LRP6: variants seen among roughly 807,000 people sequenced by gnomAD.
LRP6 encodes the protein low-density lipoprotein receptor-related protein 6.
In LRP6, 43 loss-of-function variants were observed where a neutral mutation model predicts 184.1. That is an observed-to-expected ratio of 0.23 (90% CI 0.18 to 0.30). The LOEUF is 0.30. Among genes scored for constraint, LRP6 ranks in the 10% least tolerant of loss-of-function variants. The probability of loss-of-function intolerance (pLI) is 1.00; values close to 1 mark genes in which losing one functional copy is unlikely to be tolerated. For synonymous variants in LRP6, 719 were observed against 684.9 expected, an observed-to-expected ratio of 1.05 and a Z score of -0.78; for missense variants, 1,571 against 2,005.3, an observed-to-expected ratio of 0.78 and a Z score of 4.14.
chr12:12,257,312 C>T (rs1865488427), intron 1 of LRP6, among the ~76,000 whole-genome samples: 1 of 152,138 alleles, frequency 6.6e-6, no homozygotes, highest in South Asian at 2.1e-4. Flanking sequence ...GGTGCGGTGG[C>T]TCACGCCTGT....
intron 5 of LRP6, among the ~76,000 whole-genome samples, chr12:12,182,310 T>C (rs1433355587): frequency 6.6e-6 from 1 of 152,162 alleles, no homozygotes; most frequent in Non-Finnish European, 1.5e-5. Context: ...AAAATAAAGA[T>C]TTTCAGATTT....
intron 2 of LRP6, among the ~76,000 whole-genome samples, chr12:12,237,934 T>C (rs1454627230): frequency 1.3e-5 from 2 of 152,232 alleles, no homozygotes; most frequent in African/African-American, 4.8e-5. Context: ...CATTAATTCC[T>C]GGTTAGATAA....
chr12:12,155,865 A>G, intron 12 of LRP6: 1 of 621,934 alleles, frequency 1.6e-6, no homozygotes, highest in Non-Finnish European at 2.8e-6. Context: ...TGGGTAAAAC[A>G]GCGTATGTGT....
rs1245629623 is a variant in LRP6 at position 12,181,062 on chromosome 12, C to T, written c.1354G>A (p.Val452Met). The T allele has an allele frequency of 6.2e-7, 1 of 1,613,994 alleles. No homozygotes were observed. The highest frequency in any genetic ancestry group is 8.5e-7 in the Non-Finnish European group (1 of 1,179,974). ...SEDLEEPRAI[V>M]LDPMVGYMYW... The stretch of plus-strand genomic sequence containing the variant: ...TCTTACCCAACCATGGGATCTAACA[C>T]AATAGCCCGGGGTTCCTCTAAGTCC... Residue 452 changes from valine (V) to methionine (M), a missense_variant, in exon 6 of 23, where the codon GTG becomes ATG. By Grantham distance (21) the Val-to-Met change is conservative. This residue lies in a region of LRP6 where 640 missense variants were observed against 851.9 expected (regional missense o/e 0.75). Coordinates refer to ENST00000261349, the MANE Select transcript of LRP6 (RefSeq NM_002336.3).
chr12:12,125,168 C>A (rs954163503), intron 21 of LRP6, 128 bp downstream of exon 21: 3 of 1,038,888 alleles, frequency 2.9e-6, no homozygotes, highest in African/African-American at 3.2e-5. Context: ...GTCCTTTGAG[C>A]CTTTTATGCC....
At chr12:12,136,014 G>A (rs756803294) in intron 16 of LRP6, among the ~76,000 whole-genome samples, 3 of 151,898 alleles carry the variant, frequency 2.0e-5, no homozygotes, top group Non-Finnish European at 2.9e-5. Context: ...GTGAAATCCC[G>A]TCTCTACTAA....
intron 2 of LRP6, among the ~76,000 whole-genome samples, chr12:12,218,476 C>CGATAAT (rs931422065): frequency 2.9e-5 from 4 of 140,020 alleles, no homozygotes; most frequent in African/African-American, 1.1e-4. Context: ...GACCCTCTCT[C>CGATAAT]AATAATAATA....
At chr12:12,129,274 T>C (rs2136856000) in intron 19 of LRP6, among the ~76,000 whole-genome samples, 1 of 152,288 alleles carries the variant, frequency 6.6e-6, no homozygotes, top group South Asian at 2.1e-4. Context: ...ATGCTAGTCT[T>C]TTTCTTGAAA....
chr12:12,222,535 C>A (rs1019584324), intron 2 of LRP6, among the ~76,000 whole-genome samples: 3 of 150,038 alleles, frequency 2.0e-5, no homozygotes, highest in South Asian at 4.3e-4. Context: ...CCATTGCACT[C>A]CAGCCTGGGC....
At chr12:12,245,192 C>T (rs559031346) in intron 1 of LRP6, among the ~76,000 whole-genome samples, 1 of 152,140 alleles carries the variant, frequency 6.6e-6, no homozygotes, top group East Asian at 1.9e-4. Context: ...CTGGAATCAA[C>T]CCAAATGTCA....
At chr12:12,184,720 G>A (rs970803649) in intron 4 of LRP6, among the ~76,000 whole-genome samples, 4 of 152,114 alleles carry the variant, frequency 2.6e-5, no homozygotes, top group African/African-American at 9.7e-5. Flanking sequence ...TTAAAGTGAA[G>A]GACACTGAAA....
At chr12:12,230,385 T>C (rs1172356819) in intron 2 of LRP6, among the ~76,000 whole-genome samples, 1 of 152,138 alleles carries the variant, frequency 6.6e-6, no homozygotes, top group Non-Finnish European at 1.5e-5. Context: ...CAATCTGAAT[T>C]CGGCTTCCCA....
At position 12,126,859 on chromosome 12, in the gene LRP6, C is replaced by A. The variant is rs139480047; in HGVS notation, c.4144G>T (p.Val1382Phe). 1,250 of 1,614,096 alleles carry A rather than the reference C, an allele frequency of 7.7e-4. 4 individuals are homozygous for A. Among genetic ancestry groups the A allele is most frequent in the Middle Eastern group, 5.1e-3 (31 of 6,062 alleles). The change falls in exon 20 of 23, where the codon GTC (valine) becomes TTC (phenylalanine). Residue 1382 changes from valine (V) to phenylalanine (F), a missense_variant. Transcript: ENST00000261349. ...ACAGTTCCAGACACAAAAATGGTGA[C>A]AATTACGCCAATAACAGAACCAACT... ...NTVGSVIGVI[V>F]TIFVSGTVYF...
chr12:12,173,789 A>C (rs1240219004), intron 7 of LRP6, among the ~76,000 whole-genome samples: 2 of 152,174 alleles, frequency 1.3e-5, no homozygotes, highest in Non-Finnish European at 2.9e-5. Context: ...CCCAATAATC[A>C]ACTAGCAATT....
chr12:12,124,422 AGAGGCAAT>A, intron 22 of LRP6, 135 bp downstream of exon 22: 1 of 662,678 alleles, frequency 1.5e-6, no homozygotes, highest in Non-Finnish European at 2.7e-6. Flanking sequence ...GATTTGTGGT[AGAGGCAAT>A]GTCAGTACTA....
At chr12:12,169,065 C>T (rs147896711) in intron 7 of LRP6, among the ~76,000 whole-genome samples, 1 of 151,916 alleles carries the variant, frequency 6.6e-6, no homozygotes, top group Non-Finnish European at 1.5e-5. Context: ...CCTGTCTCTA[C>T]TAAAAATAGA....
rs1456252912 is a variant in LRP6 at position 12,118,271 on chromosome 12, C to T, written c.*2855G>A. The T allele has an allele frequency of 6.6e-6, 1 of 152,198 alleles. No homozygotes were observed. Among genetic ancestry groups the T allele is most frequent in the African/African-American group, 2.4e-5 (1 of 41,454 alleles). The allele number at this position is 152,198 out of a possible 1,614,324, so 9.4% of individuals were successfully genotyped here. On this transcript the variant is annotated 3_prime_UTR_variant, in exon 23 of 23. Transcript: ENST00000261349. ...TAAGCAAACAAAACTCCTTAAGTCA[C>T]TATTCAGAAGACCACGACTCTGTTG...
At position 12,116,793 on chromosome 12, in the gene LRP6, A is replaced by G. The variant is rs1949524706; in HGVS notation, c.*4333T>C. The G allele has an allele frequency of 6.6e-6, 1 of 152,146 alleles. No individual in the cohort carries two copies. The highest frequency in any genetic ancestry group is 1.5e-5 in the Non-Finnish European group (1 of 68,032). 9.4% of individuals were successfully genotyped at this position (152,146 alleles called of 1,614,324 possible). On this transcript the variant is annotated 3_prime_UTR_variant, in exon 23 of 23. Transcript: ENST00000261349. ...CAACAATTTGAGAATGCTTTATGAA[A>G]AAGAAAAACAGCAAAGTTTACCTCA...
chr12:12,196,180 T>C (rs1376680444), intron 3 of LRP6, among the ~76,000 whole-genome samples: 1 of 151,650 alleles, frequency 6.6e-6, no homozygotes, highest in Non-Finnish European at 1.5e-5. Context: ...CAGGGTCTTT[T>C]ATGGTCCCAT....
Sources: gnomAD v4.1 joint callset for allele counts (sites outside exome capture counted in the v4.1 genomes callset) on GRCh38, gnomAD v4.1.1 for gene constraint, gnomAD v4.1.1 regional missense constraint, MANE v1.5 for transcripts, NCBI Gene and HGNC (gene_info 2026-07-23, HGNC 2026-07-21) for gene names.